The following ST3GAL6 variants were observed in gnomAD, a reference collection of about 807,000 sequenced individuals.
ST3GAL6 encodes type 2 lactosamine alpha-2,3-sialyltransferase.
In ST3GAL6, 31 loss-of-function variants were observed where a neutral mutation model predicts 40.5. The observed-to-expected ratio is 0.77, with a 90% CI of 0.58 to 1.03. The LOEUF (loss-of-function observed/expected upper bound fraction) is 1.03, where lower values mean the gene tolerates loss of function less well. ST3GAL6 is among the 50% of genes least tolerant of loss of function. The pLI is 0.00. For synonymous variants in ST3GAL6, 129 were observed against 136.9 expected, an observed-to-expected ratio of 0.94 and a Z score of 0.40; for missense variants, 357 against 393.2, an observed-to-expected ratio of 0.91 and a Z score of 0.78.
At chr3:98,765,451 A>T (rs1293814260) in intron 1 of ST3GAL6, among the ~76,000 whole-genome samples, 1 of 152,206 alleles carries the variant, frequency 6.6e-6, no homozygotes, top group African/African-American at 2.4e-5. Context: ...GCTTATTTTG[A>T]GCCTTAAATG....
chr3:98,795,160 A>T lies in ST3GAL6; in HGVS notation c.*1399A>T, dbSNP rs996671926. The T allele has an allele frequency of 3.9e-5, 6 of 152,218 alleles. No individual in the cohort carries two copies. The highest frequency in any genetic ancestry group is 8.8e-5 in the Non-Finnish European group (6 of 68,044). The allele number at this position is 152,218 out of a possible 1,614,324, so 9.4% of individuals were successfully genotyped here. ...GTGAAGAAACAGAAAAATAGAGGTT[A>T]TAAGGATGGAACTAAAAGTTGTCAG... On this transcript the variant is annotated 3_prime_UTR_variant, in exon 10 of 10. Transcript: ENST00000483910.
intron 1 of ST3GAL6, among the ~76,000 whole-genome samples, chr3:98,752,020 A>G (rs942918240): frequency 1.3e-5 from 2 of 152,224 alleles, no homozygotes; most frequent in African/African-American, 4.8e-5. Flanking sequence ...ATTTTTTAAA[A>G]TAAATATATT....
At chr3:98,766,405 C>CTTTTTTTTTTTTTTTTTTTT (rs369996406) in intron 1 of ST3GAL6, among the ~76,000 whole-genome samples, 1 of 104,104 alleles carries the variant, frequency 9.6e-6, no homozygotes, top group African/African-American at 4.1e-5. Context: ...AAATGTCATT[C>CTTTTTTTTTTTTTTTTTTTT]TTTTTTTTTT....
upstream of ST3GAL6, chr3:98,762,880 A>G (rs1021611794): frequency 3.0e-6 from 3 of 985,318 alleles, no homozygotes; most frequent in African/African-American, 1.7e-5. Context: ...AAAAGGGCTT[A>G]GTACTGTGCT....
rs182541583 is a variant in ST3GAL6, at chr3:98,773,950, T to C, written c.302T>C (p.Leu101Pro). 16 of 1,613,642 alleles carry C rather than the reference T, an allele frequency of 9.9e-6. No individual in the cohort carries two copies. In the African/African-American group the frequency reaches 1.7e-4, roughly 17 times the overall value. Residue 101 changes from leucine (L) to proline (P), a missense_variant, in exon 5 of 10, where the codon CTG (leucine) becomes CCG (proline). Leu to Pro is a moderately conservative substitution (Grantham distance 98). Transcript: ENST00000483910. ...AEYFRLALSK[L>P]QSCDLFDEFD... ...TATTTTCGACTTGCTCTTTCAAAAC[T>C]GCAGAGTTGTGATCTCTTTGATGAG... is the stretch of plus-strand genomic sequence containing the variant.
chr3:98,768,797 G>A (rs146826391), intron 2 of ST3GAL6, among the ~76,000 whole-genome samples: 77 of 152,274 alleles, frequency 5.1e-4, no homozygotes, highest in African/African-American at 1.7e-3. Flanking sequence ...CTTTCTTTAT[G>A]CTATAGATCA....
rs1460964324 is a variant in ST3GAL6, at chr3:98,795,132, G to C, written c.*1371G>C. 1 of 152,166 alleles carries C rather than the reference G, an allele frequency of 6.6e-6. No individual in the cohort carries two copies. Among genetic ancestry groups the C allele is most frequent in the East Asian group, 1.9e-4 (1 of 5,192 alleles). The allele number at this position is 152,166 out of a possible 1,614,324, so 9.4% of individuals were successfully genotyped here. A position where few individuals can be genotyped will look rare whatever the true frequency, so the allele number is the denominator to read the frequency against. On this transcript the variant is annotated 3_prime_UTR_variant, in exon 10 of 10. Transcript: ENST00000483910. ...AGGCCATCTGGAGGTAGGGGAATGA[G>C]AGGTGAAGAAACAGAAAAATAGAGG...
At chr3:98,755,606 A>G (rs541971613) in intron 1 of ST3GAL6, among the ~76,000 whole-genome samples, 92 of 152,346 alleles carry the variant, frequency 6.0e-4, no homozygotes, top group African/African-American at 1.9e-3. Context: ...TTAAATAGGC[A>G]AAATACCGGA....
chr3:98,745,283 C>T (rs1364753152), intron 1 of ST3GAL6, among the ~76,000 whole-genome samples: 1 of 152,180 alleles, frequency 6.6e-6, no homozygotes, highest in Non-Finnish European at 1.5e-5. Context: ...ATCCACCCCC[C>T]TTGACCTCCC....
chr3:98,760,204 C>T (rs762526931), upstream of ST3GAL6, among the ~76,000 whole-genome samples: 7 of 152,262 alleles, frequency 4.6e-5, no homozygotes, highest in Admixed American at 1.3e-4. Flanking sequence ...CTGATCTTCT[C>T]GGCTGGATAC....
intron 1 of ST3GAL6, among the ~76,000 whole-genome samples, chr3:98,735,641 C>T (rs376592101): frequency 2.0e-5 from 3 of 152,192 alleles, no homozygotes; most frequent in South Asian, 4.1e-4. Flanking sequence ...GGGTTACATC[C>T]CCACCCTCAC....
chr3:98,739,690 AT>A (rs1217059204), intron 1 of ST3GAL6, among the ~76,000 whole-genome samples: 1 of 152,174 alleles, frequency 6.6e-6, no homozygotes, highest in Non-Finnish European at 1.5e-5. Context: ...GAATGTGTAC[AT>A]TTTCTATGGT....
chr3:98,777,353 C>T (rs776078234), intron 5 of ST3GAL6, among the ~76,000 whole-genome samples: 1 of 152,172 alleles, frequency 6.6e-6, no homozygotes. Flanking sequence ...TGAGAGTATT[C>T]GTACCATGGG....
In ST3GAL6 at chr3:98,788,366, T is replaced by C; in HGVS notation, c.659T>C (p.Ile220Thr). The C allele has an allele frequency of 6.2e-7, 1 of 1,613,058 alleles. No individual in the cohort carries two copies. Among genetic ancestry groups the C allele is most frequent in the Non-Finnish European group, 8.5e-7 (1 of 1,179,668 alleles). The change falls in exon 8 of 10, where the codon ATT (isoleucine) becomes ACT (threonine). Residue 220 changes from isoleucine to threonine, a missense_variant. Transcript: ENST00000483910. ...GFWKKPALNL[I>T]YKPYQIRILD... ...TGGAAGAAACCAGCCTTAAACCTGA[T>C]TTATAAACCTTATCAAATCCGAATA...
rs1168627435 is a variant in ST3GAL6, at chr3:98,787,866, G to A, written c.432-170G>A. Among the ~76,000 whole-genome samples the A allele has an allele frequency of 1.3e-5, 2 of 152,182 alleles. 1 individual carries two copies. Among genetic ancestry groups the A allele is most frequent in the Admixed American group, 1.3e-4 (2 of 15,282 alleles). On this transcript the variant is annotated intron_variant, in intron 6 of 9. Coordinates refer to ENST00000483910, the MANE Select transcript of ST3GAL6 (RefSeq NM_001323368.2). ...TGATCAACCAACTATTTCATGAAAAGGAATGATCTCCTTGGCCATTATGTG... is the reference window on the plus strand; with the variant it reads ...TGATCAACCAACTATTTCATGAAAAAGAATGATCTCCTTGGCCATTATGTG...
upstream of ST3GAL6, among the ~76,000 whole-genome samples, chr3:98,761,796 G>T (rs1937800525): frequency 6.6e-6 from 1 of 152,144 alleles, no homozygotes. Flanking sequence ...TTCCCTAAAA[G>T]CTTACTTGTG....
chr3:98,786,486 A>G (rs1456375993), intron 6 of ST3GAL6, among the ~76,000 whole-genome samples: 1 of 152,140 alleles, frequency 6.6e-6, no homozygotes, highest in African/African-American at 2.4e-5. Flanking sequence ...CCTGAGGCTC[A>G]TTGACACTCC....
intron 5 of ST3GAL6, among the ~76,000 whole-genome samples, chr3:98,781,327 G>A (rs540919136): frequency 7.9e-5 from 12 of 152,164 alleles, no homozygotes; most frequent in Non-Finnish European, 1.5e-4. Flanking sequence ...GGGGCCTGTC[G>A]CAGGGTTGGG....
At chr3:98,780,720 C>T (rs932081458) in intron 5 of ST3GAL6, among the ~76,000 whole-genome samples, 4 of 152,106 alleles carry the variant, frequency 2.6e-5, no homozygotes, top group African/African-American at 9.7e-5. Context: ...GGTCCAGGAC[C>T]TTGAGTCTGA....
Sources: allele counts gnomAD v4.1 joint callset (sites outside exome capture counted in the v4.1 genomes callset), GRCh38; gene constraint gnomAD v4.1.1; transcripts MANE v1.5; gene names NCBI Gene and HGNC (gene_info 2026-07-23, HGNC 2026-07-21).